The following JAKMIP2 variants were observed in gnomAD, a reference collection of about 807,000 sequenced individuals.
JAKMIP2 encodes the protein janus kinase and microtubule-interacting protein 2.
JAKMIP2 carries 25 observed loss-of-function variants against 115.0 expected under a neutral mutation model. That is an observed-to-expected ratio of 0.22 (90% CI 0.16 to 0.30). JAKMIP2 has a LOEUF of 0.30. Ranked by LOEUF, JAKMIP2 falls within the 10% of genes least tolerant of loss-of-function variation. JAKMIP2 has a pLI of 1.00. For missense variants in JAKMIP2, 642 were observed against 957.6 expected, an observed-to-expected ratio of 0.67 and a Z score of 4.35; for synonymous variants, 334 against 343.6, an observed-to-expected ratio of 0.97 and a Z score of 0.31.
intron 1 of JAKMIP2, among the ~76,000 whole-genome samples, chr5:147,684,848 A>T (rs6866879): frequency 0.3 from 45,027 of 152,020 alleles, 7,788 homozygotes; most frequent in African/African-American, 0.48. Context: ...ATTGCAAATG[A>T]TCAGAGATAA....
chr5:147,592,271 C>T (rs1018735784), intron 21 of JAKMIP2, among the ~76,000 whole-genome samples: 1 of 152,178 alleles, frequency 6.6e-6, no homozygotes, highest in Admixed American at 6.5e-5. Flanking sequence ...GCAGACCTGT[C>T]TATTCCCTTC....
chr5:147,694,674 T>C (rs1752024906), intron 1 of JAKMIP2, among the ~76,000 whole-genome samples: 1 of 152,236 alleles, frequency 6.6e-6, no homozygotes. Context: ...ATGTCACTTC[T>C]ACTTTTGAGA....
chr5:147,708,583 AC>A (rs1278072560), intron 1 of JAKMIP2, among the ~76,000 whole-genome samples: 5 of 152,312 alleles, frequency 3.3e-5, no homozygotes, highest in Non-Finnish European at 2.9e-5. Flanking sequence ...TTTTTCATTC[AC>A]AGTTTTAACT....
At chr5:147,677,937 C>T (rs1049254585) in intron 1 of JAKMIP2, among the ~76,000 whole-genome samples, 1 of 152,124 alleles carries the variant, frequency 6.6e-6, no homozygotes, top group Admixed American at 6.6e-5. Context: ...CTCCTCCTAA[C>T]TCACTGAAAT....
At chr5:147,644,813 A>G (rs370167835) in intron 6 of JAKMIP2, 37 bp downstream of exon 6, 251 of 1,571,316 alleles carry the variant, frequency 1.6e-4, no homozygotes, top group Non-Finnish European at 2.1e-4. Context: ...TAATATAATC[A>G]AGGAAGCTGC....
rs765538608 is a variant in JAKMIP2 at position 147,629,711 on chromosome 5, A to G, written c.1911T>C (p.Asp637=). ...VNIPDLIKQL[D]ILGDNGNLRN... is the part of the protein sequence containing the mutation. ...TACTTACCCCATTATCACCCAAGAT[A>G]TCAAGCTGCTTTATGAGATCAGGGA... is the stretch of plus-strand genomic sequence containing the variant. The change falls in exon 15 of 22, where the codon GAT becomes GAC. Residue 637 remains aspartate (D), a synonymous_variant. Transcript: ENST00000616793. The G allele has an allele frequency of 6.2e-7, 1 of 1,612,760 alleles. No individual in the cohort carries two copies. Among genetic ancestry groups the G allele is most frequent in the South Asian group, 1.1e-5 (1 of 90,894 alleles).
At chr5:147,736,301 C>CAA (rs879819608) in intron 1 of JAKMIP2, among the ~76,000 whole-genome samples, 5 of 142,262 alleles carry the variant, frequency 3.5e-5, no homozygotes, top group African/African-American at 1.3e-4. Context: ...ATTAAGAATA[C>CAA]AAAAAAAAAA....
chr5:147,679,850 GC>G lies in JAKMIP2; in HGVS notation c.-148-7897del, dbSNP rs201523997. The stretch of plus-strand genomic sequence containing the variant: ...GAGAGGGCAGGATTCAGCTCTGGTT[GC>G]CGACAGGCTACAGAGGTGGCAAAGG... On this transcript the variant is annotated intron_variant, in intron 1 of 21. Transcript: ENST00000616793. Among the ~76,000 whole-genome samples the G allele has an allele frequency of 7.6e-3, 1,158 of 152,282 alleles. 53 individuals are homozygous for G. Among genetic ancestry groups the G allele is most frequent in the Admixed American group, 0.069 (1,057 of 15,300 alleles).
chr5:147,645,552 AC>A (rs1324493800), intron 5 of JAKMIP2, among the ~76,000 whole-genome samples: 13 of 152,048 alleles, frequency 8.5e-5, no homozygotes, highest in Non-Finnish European at 1.9e-4. Context: ...TAAGTTTGAA[AC>A]TCTGTGGATG....
chr5:147,615,352 C>G (rs1463087595), intron 19 of JAKMIP2, among the ~76,000 whole-genome samples: 1 of 152,056 alleles, frequency 6.6e-6, no homozygotes. Flanking sequence ...AACTAATGGA[C>G]ACTTTAGGAT....
chr5:147,748,208 T>C (rs962444820), intron 1 of JAKMIP2, among the ~76,000 whole-genome samples: 2 of 152,168 alleles, frequency 1.3e-5, no homozygotes, highest in African/African-American at 4.8e-5. Flanking sequence ...TGTCTTCACG[T>C]GTGAAATGTG....
intron 20 of JAKMIP2, among the ~76,000 whole-genome samples, chr5:147,602,097 T>C (rs1755726525): frequency 6.6e-6 from 1 of 152,190 alleles, no homozygotes; most frequent in Non-Finnish European, 1.5e-5. Flanking sequence ...GAGCAGTAAA[T>C]CAATAGTTTA....
intron 1 of JAKMIP2, among the ~76,000 whole-genome samples, chr5:147,720,620 C>G (rs893081071): frequency 1.3e-5 from 2 of 152,134 alleles, no homozygotes; most frequent in Non-Finnish European, 2.9e-5. Context: ...CGCTGATATC[C>G]TTTCTTCCAG....
At chr5:147,780,770 A>G (rs1755726928) in intron 1 of JAKMIP2, among the ~76,000 whole-genome samples, 1 of 152,222 alleles carries the variant, frequency 6.6e-6, no homozygotes, top group African/African-American at 2.4e-5. Flanking sequence ...TGTGAAAATT[A>G]TAAATGTGGG....
At chr5:147,609,544 A>G in intron 20 of JAKMIP2, among the ~76,000 whole-genome samples, 1 of 152,118 alleles carries the variant, frequency 6.6e-6, no homozygotes, top group Non-Finnish European at 1.5e-5. Flanking sequence ...TGAGAGATCC[A>G]CTGTTAGTCT....
intron 1 of JAKMIP2, among the ~76,000 whole-genome samples, chr5:147,673,364 T>C (rs1390612192): frequency 1.3e-5 from 2 of 152,166 alleles, no homozygotes; most frequent in East Asian, 3.9e-4. Context: ...AGTCCAGAGC[T>C]AAGGGGAACT....
intron 1 of JAKMIP2, among the ~76,000 whole-genome samples, chr5:147,764,954 G>GAAA (rs1580895641): frequency 1.3e-5 from 1 of 74,940 alleles, no homozygotes; most frequent in South Asian, 4.7e-4. Context: ...GAGGGAGAGA[G>GAAA]AGAGAGAGAG....
chr5:147,631,620 C>A (rs1757353828), intron 13 of JAKMIP2, 109 bp from the exon 14 acceptor site: 3 of 582,120 alleles, frequency 5.2e-6, no homozygotes, highest in South Asian at 7.0e-5. Context: ...TGTCATTTGG[C>A]AAAAAGAAAA....
chr5:147,661,991 T>C (rs1398733632), intron 2 of JAKMIP2: 1 of 152,274 alleles, frequency 6.6e-6, no homozygotes, highest in African/African-American at 2.4e-5. Flanking sequence ...ATAAGGCTAA[T>C]AAATTAGTGC....
Sources: gnomAD v4.1 joint callset for allele counts (sites outside exome capture counted in the v4.1 genomes callset) on GRCh38, gnomAD v4.1.1 for gene constraint, MANE v1.5 for transcripts, NCBI Gene and HGNC (gene_info 2026-07-23, HGNC 2026-07-21) for gene names.